Variants in GMDS observed in about 807,000 individuals in gnomAD.
GMDS encodes the protein GDP-mannose 4,6 dehydratase.
In GMDS, 20 loss-of-function variants were observed where a neutral mutation model predicts 49.9. That is an observed-to-expected ratio of 0.40 (90% CI 0.28 to 0.58). GMDS has a LOEUF of 0.58. GMDS is among the 20% of genes least tolerant of loss of function. The pLI is 0.42. For missense variants in GMDS, 362 were observed against 481.4 expected (o/e 0.75, Z 2.32); for synonymous variants, 177 against 178.6 (o/e 0.99, Z 0.07).
At chr6:1,909,602 G>A (rs1760946256) in intron 7 of GMDS, among the ~76,000 whole-genome samples, 1 of 152,142 alleles carries the variant, frequency 6.6e-6, no homozygotes. Context: ...TATTCTAGAA[G>A]GTAAAATGTG....
At chr6:1,897,501 G>A (rs1007684889) in intron 7 of GMDS, among the ~76,000 whole-genome samples, 4 of 152,140 alleles carry the variant, frequency 2.6e-5, no homozygotes, top group South Asian at 2.1e-4. Flanking sequence ...GTTAAATTGC[G>A]TGGAGTCCAG....
At chr6:1,659,703 A>G (rs1459463107) in intron 9 of GMDS, among the ~76,000 whole-genome samples, 1 of 152,168 alleles carries the variant, frequency 6.6e-6, no homozygotes, top group Non-Finnish European at 1.5e-5. Flanking sequence ...TTTCGGGCAG[A>G]GGACACTTTT....
chr6:1,788,835 T>C (rs1486328058), intron 7 of GMDS, among the ~76,000 whole-genome samples: 2 of 152,242 alleles, frequency 1.3e-5, no homozygotes, highest in African/African-American at 4.8e-5. Context: ...CATTTTCCTC[T>C]ATGTGTTAGT....
intron 1 of GMDS, among the ~76,000 whole-genome samples, chr6:2,241,760 T>C (rs1339952894): frequency 1.3e-5 from 2 of 152,234 alleles, no homozygotes; most frequent in Non-Finnish European, 2.9e-5. Flanking sequence ...GCTGGTGCCA[T>C]GCTTCTTGTA....
intron 7 of GMDS, among the ~76,000 whole-genome samples, chr6:1,824,584 A>G (rs1175497332): frequency 6.6e-6 from 1 of 152,088 alleles, no homozygotes; most frequent in Non-Finnish European, 1.5e-5. Flanking sequence ...TGAAGTTTTC[A>G]GTAGGGCAGA....
At chr6:1,758,523 T>C (rs1768040959) in intron 7 of GMDS, among the ~76,000 whole-genome samples, 1 of 152,202 alleles carries the variant, frequency 6.6e-6, no homozygotes, top group African/African-American at 2.4e-5. Flanking sequence ...TCTCAAACGT[T>C]AGCGTGCATT....
intron 7 of GMDS, among the ~76,000 whole-genome samples, chr6:1,755,281 C>T (rs183576212): frequency 2.4e-4 from 36 of 152,168 alleles, no homozygotes; most frequent in African/African-American, 7.9e-4. Context: ...TTCACAATTG[C>T]TACAAAGAGA....
chr6:1,742,674 C>T (rs3734740), intron 7 of GMDS, 88 bp from the exon 8 acceptor site: 9 of 705,892 alleles, frequency 1.3e-5, no homozygotes, highest in Middle Eastern at 2.7e-4. Flanking sequence ...ATATGGACAT[C>T]GACAGCTGGA....
chr6:2,169,409 C>G (rs545996533), intron 1 of GMDS, among the ~76,000 whole-genome samples: 1 of 151,928 alleles, frequency 6.6e-6, no homozygotes, highest in Non-Finnish European at 1.5e-5. Context: ...GAGTTCGAGA[C>G]CAGCTTGGCC....
chr6:2,150,615 G>A (rs1240599998), intron 1 of GMDS, among the ~76,000 whole-genome samples: 2 of 152,082 alleles, frequency 1.3e-5, no homozygotes, highest in African/African-American at 4.8e-5. Context: ...ACACCCTAAA[G>A]TAATCTCTAA....
Position 1,960,761 on chromosome 6 carries a change from C to G in GMDS, c.538+13G>C. On this transcript the variant is annotated intron_variant, in intron 5 of 10. Coordinates refer to ENST00000380815, the MANE Select transcript of GMDS (RefSeq NM_001500.4). Reference sequence around the variant, plus strand: ...CGCCACACATGTGCTCCGGTGTGCACGCATGTTCTCACCATAGGGTGACCG... The same window carrying G: ...CGCCACACATGTGCTCCGGTGTGCAGGCATGTTCTCACCATAGGGTGACCG... 1 of 1,552,232 alleles carries G rather than the reference C, an allele frequency of 6.4e-7. No homozygotes were observed.
At chr6:1,754,412 A>T (rs901856147) in intron 7 of GMDS, among the ~76,000 whole-genome samples, 2 of 152,220 alleles carry the variant, frequency 1.3e-5, no homozygotes, top group Non-Finnish European at 2.9e-5. Flanking sequence ...AAAAAAGTCC[A>T]GGACCAGATG....
intron 4 of GMDS, among the ~76,000 whole-genome samples, chr6:1,963,744 G>C (rs1056503341): frequency 1.8e-4 from 28 of 152,250 alleles, no homozygotes; most frequent in African/African-American, 6.5e-4. Flanking sequence ...GGGAGAGCGG[G>C]TGTCAGGGCT....
intron 1 of GMDS, among the ~76,000 whole-genome samples, chr6:2,201,298 G>A (rs368842057): frequency 8.3e-4 from 104 of 125,668 alleles, no homozygotes; most frequent in Middle Eastern, 4.9e-3. Context: ...CACCACATGC[G>A]CATCCGAGAT....
intron 1 of GMDS, among the ~76,000 whole-genome samples, chr6:2,173,231 T>C (rs1025884038): frequency 3.3e-5 from 5 of 152,202 alleles, no homozygotes; most frequent in East Asian, 3.8e-4. Context: ...TTATTAAAAA[T>C]AGAAAAATCT....
At chr6:2,091,147 G>A (rs1773293387) in intron 4 of GMDS, among the ~76,000 whole-genome samples, 1 of 152,190 alleles carries the variant, frequency 6.6e-6, no homozygotes, top group Non-Finnish European at 1.5e-5. Context: ...AGAAAACCCA[G>A]TGTGGTTTGA....
intron 7 of GMDS, among the ~76,000 whole-genome samples, chr6:1,803,952 C>G (rs1770058037): frequency 6.6e-6 from 1 of 152,086 alleles, no homozygotes; most frequent in African/African-American, 2.4e-5. Flanking sequence ...GCTTTAAGCT[C>G]ACAGGTATGA....
chr6:2,181,983 C>G (rs1581760297), intron 1 of GMDS, among the ~76,000 whole-genome samples: 1 of 152,220 alleles, frequency 6.6e-6, no homozygotes, highest in Non-Finnish European at 1.5e-5. Context: ...TTGCACCAAA[C>G]AGTTAGCTTA....
At position 2,052,782 on chromosome 6, in the gene GMDS, T is replaced by C. The variant is rs78380149; in HGVS notation, c.345+62989A>G. 9.2e-5 allele frequency among the ~76,000 whole-genome samples: 14 copies of C among 152,178 alleles called. No individual in the cohort carries two copies. The East Asian group carries it at 2.3e-3, about 25-fold the overall frequency. ...CTCTAATACCATCATGGGGAAAAAA[T>C]CCAGATATCTGGAGCTGTAGCAACC... is the stretch of plus-strand genomic sequence containing the variant. On this transcript the variant is annotated intron_variant, in intron 4 of 10. Transcript: ENST00000380815.
Sources: gnomAD v4.1 joint callset for allele counts (sites outside exome capture counted in the v4.1 genomes callset) on GRCh38, gnomAD v4.1.1 for gene constraint, MANE v1.5 for transcripts, NCBI Gene and HGNC (gene_info 2026-07-23, HGNC 2026-07-21) for gene names.